Variants in COQ8A observed in about 807,000 individuals in gnomAD.
COQ8A encodes coenzyme Q8A, also known as atypical kinase COQ8A, mitochondrial.
COQ8A carries 51 observed loss-of-function variants against 65.0 expected under a neutral mutation model. The observed-to-expected ratio is 0.78, with a 90% CI of 0.63 to 0.99. The LOEUF (loss-of-function observed/expected upper bound fraction) is 0.99, where lower values mean the gene tolerates loss of function less well. Among genes scored for constraint, COQ8A ranks in the 50% least tolerant of loss-of-function variants. The pLI is 0.00. For synonymous variants in COQ8A, 371 were observed against 353.2 expected (o/e 1.05, Z -0.57); for missense variants, 940 against 875.0 (o/e 1.07, Z -0.94).
intron 1 of COQ8A, among the ~76,000 whole-genome samples, chr1:226,941,514 C>T (rs1025635464): frequency 1.3e-5 from 2 of 152,070 alleles, no homozygotes; most frequent in African/African-American, 4.8e-5. Context: ...CGCCTGTAAT[C>T]CCAGCACTTT....
At chr1:226,978,516 A>AT (rs1659440485) in intron 5 of COQ8A, among the ~76,000 whole-genome samples, 1 of 121,092 alleles carries the variant, frequency 8.3e-6, no homozygotes, top group Non-Finnish European at 1.9e-5. Context: ...CACCCACCGA[A>AT]CACCCACTGA....
At chr1:226,975,724 G>A (rs1028424439) in intron 4 of COQ8A, among the ~76,000 whole-genome samples, 5 of 152,126 alleles carry the variant, frequency 3.3e-5, no homozygotes, top group South Asian at 2.1e-4. Context: ...TTCCTGGCCC[G>A]GCGAGTGCTC....
chr1:226,965,587 G>T, intron 3 of COQ8A, 84 bp from the exon 4 acceptor site: 1 of 1,539,736 alleles, frequency 6.5e-7, no homozygotes, highest in Non-Finnish European at 9.0e-7. Context: ...GGGTGGAGAG[G>T]AGATGTGGGG....
intron 6 of COQ8A, 200 bp from the exon 7 acceptor site, chr1:226,982,478 G>A (rs1162098226): frequency 1.5e-6 from 1 of 688,236 alleles, no homozygotes; most frequent in African/African-American, 1.8e-5. Flanking sequence ...CACCTTCTCA[G>A]GTCACTGGGC....
rs368074800 is a variant in COQ8A at position 226,965,671 on chromosome 1, C to T, written c.589C>T (p.Leu197Phe). ...RPENKQHKQT[L>F]SEHARERKVP... Reference sequence around the variant, plus strand: ...AGGTCTCTTTCTCGTCTCCCTCCAGCTCAGCGAGCATGCCCGGGAGCGGAA... The same window carrying T: ...AGGTCTCTTTCTCGTCTCCCTCCAGTTCAGCGAGCATGCCCGGGAGCGGAA... The change falls in exon 4 of 15, where the codon CTC becomes TTC. Residue 197 changes from leucine (L) to phenylalanine (F), a missense_variant and splice_region_variant. Coordinates refer to ENST00000366777, the MANE Select transcript of COQ8A (RefSeq NM_020247.5). The T allele has an allele frequency of 1.9e-6, 3 of 1,613,974 alleles. No homozygotes were observed. The highest frequency in any genetic ancestry group is 2.5e-6 in the Non-Finnish European group (3 of 1,180,038).
In COQ8A at chr1:226,986,848, G is replaced by C. The variant is rs1467395241; in HGVS notation, c.*111G>C. The C allele has an allele frequency of 2.9e-6, 4 of 1,382,882 alleles. No homozygotes were observed. Among genetic ancestry groups the C allele is most frequent in the East Asian group, 2.5e-5 (1 of 39,956 alleles). The allele number at this position is 1,382,882 out of a possible 1,614,324, so 85.7% of individuals were successfully genotyped here. ...CTTTTTAACTCCTTTGCCCAATAAG[G>C]GGGGTGGCTGCCTGGAGCCCCGTAG... On this transcript the variant is annotated 3_prime_UTR_variant, in exon 15 of 15. Transcript: ENST00000366777.
intron 8 of COQ8A, 46 bp downstream of exon 8, chr1:226,983,080 G>C: frequency 6.5e-7 from 1 of 1,549,470 alleles, no homozygotes; most frequent in South Asian, 1.2e-5. Context: ...GGGCTGCAAG[G>C]GGCAGAGCTG....
At chr1:226,977,628 G>T (rs543207981) in intron 5 of COQ8A, 105 bp downstream of exon 5, 4 of 1,255,416 alleles carry the variant, frequency 3.2e-6, no homozygotes, top group East Asian at 2.6e-5. Flanking sequence ...CAGCTGGGCC[G>T]CATTTGCATG....
chr1:226,986,407 G>C (rs890072185), intron 14 of COQ8A, 46 bp from the exon 15 acceptor site: 1 of 1,602,146 alleles, frequency 6.2e-7, no homozygotes, highest in African/African-American at 1.3e-5. Context: ...GGCTGGTGGA[G>C]GGCTCTGGTG....
chr1:226,983,710 G>T (rs1475153753), intron 9 of COQ8A, 51 bp from the exon 10 acceptor site: 1 of 1,612,446 alleles, frequency 6.2e-7, no homozygotes, highest in Non-Finnish European at 8.5e-7. Context: ...ACCAGAGGGG[G>T]TCCTCCCTGC....
intron 2 of COQ8A, among the ~76,000 whole-genome samples, chr1:226,961,881 T>C (rs1210660342): frequency 1.3e-5 from 2 of 152,192 alleles, no homozygotes; most frequent in Non-Finnish European, 2.9e-5. Context: ...AATCCATAGA[T>C]GGCCATCTTC....
intron 1 of COQ8A, among the ~76,000 whole-genome samples, chr1:226,941,935 G>T (rs1656721796): frequency 6.6e-6 from 1 of 152,132 alleles, no homozygotes. Flanking sequence ...GAGCCAGTGT[G>T]TTATCTAAGA....
chr1:226,982,909 G>GAC lies in COQ8A; in HGVS notation c.956_957dup (p.Leu320ThrfsTer31). 2 of 1,612,712 alleles carry GAC rather than the reference G, an allele frequency of 1.2e-6. No individual in the cohort carries two copies. Among genetic ancestry groups the GAC allele is most frequent in the Non-Finnish European group, 1.7e-6 (2 of 1,179,838 alleles). On this transcript the variant is annotated frameshift_variant, in exon 8 of 15. Transcript: ENST00000366777. LOFTEE classifies it high-confidence loss of function. ...TGCCCTTCAGAAAACTCTCAACAAC[G>GAC]ACCTGGGCCCCAACTGGCGGGACAA... is the stretch of plus-strand genomic sequence containing the variant.
At chr1:226,962,098 G>A (rs1304673386) in intron 2 of COQ8A, among the ~76,000 whole-genome samples, 1 of 152,216 alleles carries the variant, frequency 6.6e-6, no homozygotes, top group Non-Finnish European at 1.5e-5. Flanking sequence ...GGGCCCATGT[G>A]TCCATCAGCC....
intron 5 of COQ8A, among the ~76,000 whole-genome samples, chr1:226,981,158 G>C (rs1659660633): frequency 6.6e-6 from 1 of 152,364 alleles, no homozygotes; most frequent in East Asian, 1.9e-4. Flanking sequence ...ACTCAGGGAA[G>C]GTGGAAAGAC....
Position 226,961,493 on chromosome 1 carries a change from G to A in COQ8A, c.108G>A (p.Leu36=). The A allele has an allele frequency of 6.2e-7, 1 of 1,613,916 alleles. No individual in the cohort carries two copies. The highest frequency in any genetic ancestry group is 8.5e-7 in the Non-Finnish European group (1 of 1,179,980). The change falls in exon 2 of 15, where the codon CTG becomes CTA. Residue 36 remains leucine, a synonymous_variant. Coordinates refer to ENST00000366777, the MANE Select transcript of COQ8A (RefSeq NM_020247.5). ...AGCACTTGGGCATCGGAGGGGAGCT[G>A]ATCATGGCGGCCAGGGCCCTGCAGT... is the stretch of plus-strand genomic sequence containing the variant. ...HLQHLGIGGE[L]IMAARALQST...
intron 1 of COQ8A, among the ~76,000 whole-genome samples, chr1:226,942,070 G>A (rs540334689): frequency 4.7e-4 from 71 of 152,112 alleles, no homozygotes; most frequent in African/African-American, 1.5e-3. Flanking sequence ...GACTAGCACC[G>A]CTCCCCACCC....
Position 226,961,499 on chromosome 1 carries a change from G to A in COQ8A, c.114G>A (p.Met38Ile), listed in dbSNP as rs369961952. ...QHLGIGGELIMAARALQSTAV... is the reference protein window; with the variant it reads ...QHLGIGGELIIAARALQSTAV... ...TGGGCATCGGAGGGGAGCTGATCAT[G>A]GCGGCCAGGGCCCTGCAGTCCACGG... The change falls in exon 2 of 15, where the codon ATG (methionine) becomes ATA (isoleucine). Residue 38 changes from methionine to isoleucine, a missense_variant. Coordinates refer to ENST00000366777, the MANE Select transcript of COQ8A (RefSeq NM_020247.5). 6.2e-7 allele frequency: 1 copy of A among 1,613,808 alleles called. No individual in the cohort carries two copies. The highest frequency in any genetic ancestry group is 1.3e-5 in the African/African-American group (1 of 74,960).
intron 12 of COQ8A, 52 bp downstream of exon 12, chr1:226,984,707 T>A (rs373853041): frequency 1.9e-6 from 3 of 1,562,684 alleles, no homozygotes. Context: ...CTTCTCCGAA[T>A]GGGGCACGTG....
Sources: gnomAD v4.1 joint callset for allele counts (sites outside exome capture counted in the v4.1 genomes callset) on GRCh38, gnomAD v4.1.1 for gene constraint, MANE v1.5 for transcripts, NCBI Gene and HGNC (gene_info 2026-07-23, HGNC 2026-07-21) for gene names.